Variants in SAMSN1 observed in about 807,000 individuals in gnomAD.
SAMSN1 encodes SAM domain-containing protein SAMSN-1.
A neutral mutation model predicts 42.0 loss-of-function variants in SAMSN1; 31 were observed. That is an observed-to-expected ratio of 0.74 (90% CI 0.55 to 1.00). The LOEUF is 1.00. SAMSN1 is among the 50% of genes least tolerant of loss of function. SAMSN1 has a pLI of 0.00. For synonymous variants in SAMSN1, 178 were observed against 151.9 expected (o/e 1.17, Z -1.26); for missense variants, 464 against 439.4 (o/e 1.06, Z -0.50).
At chr21:14,649,930 T>C (rs926513854) in intron 1 of SAMSN1, among the ~76,000 whole-genome samples, 7 of 152,042 alleles carry the variant, frequency 4.6e-5, no homozygotes, top group African/African-American at 1.7e-4. Flanking sequence ...ACAAAATCTA[T>C]AAGAAGAGAC....
chr21:14,605,007 T>C (rs1287104953), intron 5 of SAMSN1, among the ~76,000 whole-genome samples: 1 of 152,262 alleles, frequency 6.6e-6, no homozygotes, highest in Non-Finnish European at 1.5e-5. Context: ...AGAACATGCA[T>C]GAACTACATG....
Position 14,510,434 on chromosome 21 carries a change from G to T in SAMSN1, c.437C>A (p.Thr146Lys), listed in dbSNP as rs1215617335. Reference sequence around the variant, plus strand: ...CAGTCGAAAGCTGTCCCGGTTACTTGTACCATCTGAACAGCTTGTTATGCC... The same window carrying T: ...CAGTCGAAAGCTGTCCCGGTTACTTTTACCATCTGAACAGCTTGTTATGCC... ...SSGITSCSDG[T>K]SNRDSFRLDD... The change falls in exon 5 of 8, where the codon ACA (threonine) becomes AAA (lysine). Residue 146 changes from threonine to lysine, a missense_variant. Coordinates refer to ENST00000400566, the MANE Select transcript of SAMSN1 (RefSeq NM_022136.5). The T allele has an allele frequency of 3.7e-6, 6 of 1,614,168 alleles. No homozygotes were observed. The highest frequency in any genetic ancestry group is 1.7e-4 in the Middle Eastern group (1 of 6,060).
intron 2 of SAMSN1, among the ~76,000 whole-genome samples, chr21:14,631,983 C>A (rs77094496): frequency 6.6e-6 from 1 of 152,096 alleles, no homozygotes; most frequent in African/African-American, 2.4e-5. Flanking sequence ...AGGAAAAAAA[C>A]TCATCTAACT....
At chr21:14,584,593 T>A (rs898591756), upstream of SAMSN1, among the ~76,000 whole-genome samples, 1 of 152,230 alleles carries the variant, frequency 6.6e-6, no homozygotes, top group African/African-American at 2.4e-5. Flanking sequence ...CTAAGTTTTA[T>A]AGGAATTGAT....
intron 1 of SAMSN1, among the ~76,000 whole-genome samples, chr21:14,543,007 G>A (rs1011744695): frequency 6.6e-6 from 1 of 152,154 alleles, no homozygotes; most frequent in Non-Finnish European, 1.5e-5. Context: ...TGTATGTTAA[G>A]CAAGCCTATT....
chr21:14,489,656 A>G (rs1259714838), intron 7 of SAMSN1, among the ~76,000 whole-genome samples: 1 of 152,152 alleles, frequency 6.6e-6, no homozygotes, highest in East Asian at 1.9e-4. Context: ...AAGCTGTATA[A>G]TTCTGTACTC....
chr21:14,525,914 G>T (rs1419647182), intron 1 of SAMSN1, among the ~76,000 whole-genome samples: 4 of 151,996 alleles, frequency 2.6e-5, no homozygotes, highest in African/African-American at 9.7e-5. Flanking sequence ...ATGCAGGCTG[G>T]AGTGCAGTGG....
rs529700996 is a variant in SAMSN1, at chr21:14,569,813, TAG to T, written c.261+12321_261+12322del. Among the ~76,000 whole-genome samples, 8 of 152,292 alleles carry T rather than the reference TAG, an allele frequency of 5.3e-5. No homozygotes were observed. The South Asian group carries it at 1.7e-3, about 32-fold the overall frequency. ...TATGGGAACGATTTAATCTGCTCCA[TAG>T]AGAGAGCAGTAGGAGCTCTCAGTGG... On this transcript the variant is annotated intron_variant, in intron 2 of 8. Coordinates refer to the SAMSN1 transcript ENST00000285670.
chr21:14,647,544 G>A (rs1189800745), intron 1 of SAMSN1, among the ~76,000 whole-genome samples: 2 of 148,220 alleles, frequency 1.3e-5, no homozygotes, highest in South Asian at 2.2e-4. Context: ...TAGCTTGATG[G>A]GGATGGCATT....
chr21:14,512,394 T>G, intron 4 of SAMSN1, 50 bp downstream of exon 4: 1 of 1,596,178 alleles, frequency 6.3e-7, no homozygotes, highest in Non-Finnish European at 8.6e-7. Flanking sequence ...TTTAATTAAT[T>G]TAACCCAGAC....
chr21:14,616,139 T>C (rs1347986562), intron 2 of SAMSN1: 4 of 350,004 alleles, frequency 1.1e-5, no homozygotes, highest in Admixed American at 4.6e-5. Flanking sequence ...GTTCCTTTTG[T>C]CTTTTCCCTA....
intron 7 of SAMSN1, among the ~76,000 whole-genome samples, chr21:14,592,936 CT>C (rs1158793767): frequency 6.6e-6 from 1 of 152,078 alleles, no homozygotes; most frequent in Non-Finnish European, 1.5e-5. Flanking sequence ...TTTCCCACAG[CT>C]TTTTGATATT....
chr21:14,659,234 A>G (rs1045823707), upstream of SAMSN1, among the ~76,000 whole-genome samples: 4 of 152,024 alleles, frequency 2.6e-5, no homozygotes, highest in Non-Finnish European at 5.9e-5. Flanking sequence ...TTGATTCGCT[A>G]CATGACAAGA....
chr21:14,516,466 A>G (rs1388423801), intron 3 of SAMSN1, among the ~76,000 whole-genome samples: 1 of 152,090 alleles, frequency 6.6e-6, no homozygotes, highest in Non-Finnish European at 1.5e-5. Flanking sequence ...ATCAGGGCTC[A>G]CTGGAACCCC....
intron 2 of SAMSN1, among the ~76,000 whole-genome samples, chr21:14,563,834 G>A (rs182498752): frequency 2.6e-5 from 4 of 152,294 alleles, no homozygotes; most frequent in East Asian, 3.9e-4. Flanking sequence ...TGAATGCCCC[G>A]TGTCAGCAAT....
intron 2 of SAMSN1, among the ~76,000 whole-genome samples, chr21:14,637,635 C>T (rs17003833): frequency 0.012 from 1,792 of 152,046 alleles, 26 homozygotes; most frequent in African/African-American, 0.04. Flanking sequence ...TTTTGTGTAT[C>T]AACTCCCTTG....
At chr21:14,646,949 C>T (rs911201509) in intron 1 of SAMSN1, among the ~76,000 whole-genome samples, 2 of 152,024 alleles carry the variant, frequency 1.3e-5, no homozygotes, top group Admixed American at 6.6e-5. Flanking sequence ...GAAACTAAAC[C>T]ATGTCTCCAG....
chr21:14,606,660 C>A (rs1297009299), intron 5 of SAMSN1, among the ~76,000 whole-genome samples: 1 of 152,210 alleles, frequency 6.6e-6, no homozygotes, highest in South Asian at 2.1e-4. Flanking sequence ...CTAAGCTATG[C>A]CAATTTTTTA....
At chr21:14,571,115 T>C (rs145384496) in intron 2 of SAMSN1, among the ~76,000 whole-genome samples, 1 of 152,204 alleles carries the variant, frequency 6.6e-6, no homozygotes, top group Non-Finnish European at 1.5e-5. Context: ...CACAGAACCA[T>C]GTAACAATCA....
Sources: allele counts gnomAD v4.1 joint callset (sites outside exome capture counted in the v4.1 genomes callset), GRCh38; gene constraint gnomAD v4.1.1; transcripts MANE v1.5; gene names NCBI Gene and HGNC (gene_info 2026-07-23, HGNC 2026-07-21).